VWA8: variants seen among roughly 807,000 people sequenced by gnomAD.
The protein encoded by VWA8 is von Willebrand factor A domain-containing protein 8.
Under a neutral mutation model 241.5 loss-of-function variants are expected in VWA8, and 221 were observed. The ratio of observed to expected loss-of-function variants is 0.91; its 90% CI spans 0.82 to 1.02. The LOEUF (loss-of-function observed/expected upper bound fraction) is 1.02. Ranked by LOEUF, VWA8 falls within the 50% of genes least tolerant of loss-of-function variation. The pLI, the probability that VWA8 is intolerant of heterozygous loss-of-function variation, is 0.00. For missense variants in VWA8, 2,322 were observed against 2,328.7 expected (o/e 1.00, Z 0.06); for synonymous variants, 852 against 827.1 (o/e 1.03, Z -0.52).
intron 12 of VWA8, among the ~76,000 whole-genome samples, chr13:41,845,244 T>C (rs1872238719): frequency 6.6e-6 from 1 of 152,084 alleles, no homozygotes; most frequent in Non-Finnish European, 1.5e-5. Flanking sequence ...AACAATGAGA[T>C]ACCCTCTCAC....
intron 4 of VWA8, 67 bp from the exon 5 acceptor site, chr13:41,891,654 T>C: frequency 6.5e-7 from 1 of 1,545,838 alleles, no homozygotes; most frequent in Non-Finnish European, 8.8e-7. Flanking sequence ...TAACATTACT[T>C]GTAATTCAAA....
chr13:41,572,977 C>T (rs2044319368), intron 43 of VWA8, among the ~76,000 whole-genome samples: 1 of 151,096 alleles, frequency 6.6e-6, no homozygotes, highest in Non-Finnish European at 1.5e-5. Flanking sequence ...GGTATGGTGA[C>T]ATGCGCCTGT....
intron 37 of VWA8, among the ~76,000 whole-genome samples, chr13:41,638,444 G>C (rs12867282): frequency 0.032 from 4,922 of 152,270 alleles, 90 homozygotes; most frequent in South Asian, 0.078. Context: ...AGAGGGCTCA[G>C]GGGAGAAATG....
At chr13:41,716,238 A>G (rs2045347392) in intron 26 of VWA8, among the ~76,000 whole-genome samples, 1 of 152,068 alleles carries the variant, frequency 6.6e-6, no homozygotes, top group African/African-American at 2.4e-5. Flanking sequence ...GTAAAATAAA[A>G]TAACCACCCA....
At chr13:41,571,979 G>C (rs966036415) in intron 43 of VWA8, among the ~76,000 whole-genome samples, 21 of 152,092 alleles carry the variant, frequency 1.4e-4, no homozygotes, top group Non-Finnish European at 2.6e-4. Flanking sequence ...GGGATGTGAG[G>C]AATGCCTCTG....
intron 2 of VWA8, among the ~76,000 whole-genome samples, chr13:41,943,646 T>C (rs1307410246): frequency 6.6e-6 from 1 of 152,146 alleles, no homozygotes; most frequent in East Asian, 1.9e-4. Flanking sequence ...GGATCCATAA[T>C]ACATAAAAAA....
chr13:41,707,780 T>TA (rs1287939251), intron 26 of VWA8, among the ~76,000 whole-genome samples: 1 of 152,190 alleles, frequency 6.6e-6, no homozygotes, highest in East Asian at 1.9e-4. Context: ...TACCTCTGCC[T>TA]AGAATTCCTT....
intron 12 of VWA8, among the ~76,000 whole-genome samples, chr13:41,852,266 G>A (rs1872557583): frequency 6.6e-6 from 1 of 152,056 alleles, no homozygotes; most frequent in Non-Finnish European, 1.5e-5. Context: ...TGTCTATTCA[G>A]GTTCTTTGCC....
intron 3 of VWA8, among the ~76,000 whole-genome samples, chr13:41,911,565 T>G (rs1388797549): frequency 6.6e-6 from 1 of 152,160 alleles, no homozygotes; most frequent in African/African-American, 2.4e-5. Flanking sequence ...CTCATCTATT[T>G]AAAGAAAAAA....
intron 40 of VWA8, among the ~76,000 whole-genome samples, chr13:41,597,339 T>C (rs752286671): frequency 3.3e-5 from 5 of 152,134 alleles, no homozygotes; most frequent in Non-Finnish European, 7.4e-5. Flanking sequence ...TATTAATCAG[T>C]GGAAACACAA....
At chr13:41,766,325 GAGAA>G (rs1366054052) in intron 20 of VWA8, among the ~76,000 whole-genome samples, 1 of 152,106 alleles carries the variant, frequency 6.6e-6, no homozygotes, top group African/African-American at 2.4e-5. Flanking sequence ...CAAAGGAGGA[GAGAA>G]AGAAAGAAAT....
intron 9 of VWA8, among the ~76,000 whole-genome samples, chr13:41,880,941 C>T (rs1481932541): frequency 1.3e-5 from 2 of 152,200 alleles, no homozygotes; most frequent in African/African-American, 2.4e-5. Context: ...TTGATGACTC[C>T]TGTCTAAATT....
chr13:41,578,510 T>A (rs888475659), intron 42 of VWA8, among the ~76,000 whole-genome samples: 4 of 152,192 alleles, frequency 2.6e-5, no homozygotes, highest in African/African-American at 4.8e-5. Context: ...TTACCAACAG[T>A]GATTTGCTAA....
Position 41,671,120 on chromosome 13 carries a change from T to A in VWA8, c.4437A>T (p.Thr1479=). The A allele has an allele frequency of 1.2e-6, 2 of 1,613,826 alleles. No homozygotes were observed. Among genetic ancestry groups the A allele is most frequent in the Non-Finnish European group, 1.7e-6 (2 of 1,179,802 alleles). ...PRSESLSPYT[T]WLSTISDTDA... Reference sequence around the variant, plus strand: ...CTGTGTCTGAAATGGTCGACAGCCATGTGGTATACGGCGAGAGAGATTCTG... The same window carrying A: ...CTGTGTCTGAAATGGTCGACAGCCAAGTGGTATACGGCGAGAGAGATTCTG... The change falls in exon 37 of 45, where the codon ACA becomes ACT. Residue 1479 remains threonine, a synonymous_variant. Coordinates refer to ENST00000379310, the MANE Select transcript of VWA8 (RefSeq NM_015058.2).
intron 37 of VWA8, among the ~76,000 whole-genome samples, chr13:41,662,312 C>T (rs1400240998): frequency 6.6e-6 from 1 of 152,066 alleles, no homozygotes; most frequent in Non-Finnish European, 1.5e-5. Flanking sequence ...TGATTTCTTT[C>T]ATTAATGTTT....
chr13:41,729,443 CTTA>C (rs773460071), intron 23 of VWA8, 96 bp downstream of exon 23: 11 of 1,215,804 alleles, frequency 9.0e-6, no homozygotes, highest in Non-Finnish European at 1.1e-5. Flanking sequence ...TGAACTTATG[CTTA>C]TTATTGTAAA....
At chr13:41,916,742 T>C (rs9594651) in intron 2 of VWA8, among the ~76,000 whole-genome samples, 53 of 152,302 alleles carry the variant, frequency 3.5e-4, no homozygotes, top group African/African-American at 1.3e-3. Context: ...ATTTTTAGAA[T>C]GGCCTCAAGA....
chr13:41,653,822 T>G (rs1161483238), intron 37 of VWA8, among the ~76,000 whole-genome samples: 1 of 152,116 alleles, frequency 6.6e-6, no homozygotes, highest in Non-Finnish European at 1.5e-5. Flanking sequence ...AGAACTCTAC[T>G]CAATAAGTGG....
chr13:41,676,865 C>T (rs1249752585), intron 35 of VWA8, among the ~76,000 whole-genome samples: 6 of 151,836 alleles, frequency 4.0e-5, no homozygotes, highest in Admixed American at 2.6e-4. Flanking sequence ...ACTCCTGACC[C>T]CAAGTGATCT....
Sources: gnomAD v4.1 joint callset for allele counts (sites outside exome capture counted in the v4.1 genomes callset) on GRCh38, gnomAD v4.1.1 for gene constraint, MANE v1.5 for transcripts, NCBI Gene and HGNC (gene_info 2026-07-23, HGNC 2026-07-21) for gene names.